FAF1: variants seen among roughly 807,000 people sequenced by gnomAD.
FAF1 encodes the protein FAS-associated factor 1.
FAF1 carries 25 observed loss-of-function variants against 92.5 expected under a neutral mutation model. That is an observed-to-expected ratio of 0.27 (90% CI 0.20 to 0.38). The LOEUF is 0.38. Ranked by LOEUF, FAF1 falls within the 10% of genes least tolerant of loss-of-function variation. The pLI is 1.00. For missense variants in FAF1, 636 were observed against 793.3 expected, an observed-to-expected ratio of 0.80 and a Z score of 2.38; for synonymous variants, 234 against 273.2, an observed-to-expected ratio of 0.86 and a Z score of 1.42.
rs538418727 is a variant in FAF1, at chr1:50,916,163, G to A, written c.45+43604C>T. ...AGACAAAAACAAACAAAAGGGGGTCGTAGGAGGAAGGGTAGAATGCAGGAC... is the reference window on the plus strand; with the variant it reads ...AGACAAAAACAAACAAAAGGGGGTCATAGGAGGAAGGGTAGAATGCAGGAC... On this transcript the variant is annotated intron_variant, in intron 1 of 18. Coordinates refer to ENST00000396153, the MANE Select transcript of FAF1 (RefSeq NM_007051.3). Among the ~76,000 whole-genome samples the A allele has an allele frequency of 7.2e-5, 11 of 152,290 alleles. No individual in the cohort carries two copies. In the South Asian group the frequency reaches 1.5e-3, roughly 20 times the overall value.
intron 2 of FAF1, among the ~76,000 whole-genome samples, chr1:50,827,422 T>G (rs1027594826): frequency 6.6e-6 from 1 of 152,164 alleles, no homozygotes; most frequent in African/African-American, 2.4e-5. Context: ...AACAGATGCT[T>G]GAAGGCAGCA....
Position 50,948,425 on chromosome 1 carries a change from G to C in FAF1, c.45+11342C>G, listed in dbSNP as rs534084919. 2.7e-4 allele frequency among the ~76,000 whole-genome samples: 41 copies of C among 152,302 alleles called. No individual in the cohort carries two copies. In the South Asian group the frequency reaches 7.9e-3, roughly 29 times the overall value. ...TACAATCATGGTGTAAGGCAAAGCG[G>C]GAGACAGCCTCTCACAGTCAACCCA... On this transcript the variant is annotated intron_variant, in intron 1 of 18. Coordinates refer to ENST00000396153, the MANE Select transcript of FAF1 (RefSeq NM_007051.3).
At chr1:50,522,920 C>T (rs534755510) in intron 15 of FAF1, among the ~76,000 whole-genome samples, 24 of 152,136 alleles carry the variant, frequency 1.6e-4, no homozygotes, top group African/African-American at 5.8e-4. Flanking sequence ...TCCCAATTTA[C>T]CCTACATCTT....
rs559546046 is a variant in FAF1 at position 50,643,704 on chromosome 1, T to G, written c.744+11738A>C. On this transcript the variant is annotated intron_variant, in intron 8 of 18. Coordinates refer to ENST00000396153, the MANE Select transcript of FAF1 (RefSeq NM_007051.3). ...GCCTCCCAGATTCAAGCAATTCTCC[T>G]GCCTCAGTGTCCTGAGTAGTTGGGA... Among the ~76,000 whole-genome samples the G allele has an allele frequency of 3.2e-4, 49 of 152,350 alleles. No homozygotes were observed. In the East Asian group the frequency reaches 8.9e-3, roughly 28 times the overall value.
rs1231326591 is a variant in FAF1, at chr1:50,485,094, T to TA, written c.1653+5493dup. Reference sequence around the variant, plus strand: ...TGTTGTGCACATGTACCCTAGAACTTAAAGTATAATAAAAAAAAGAAATTA... The same window carrying TA: ...TGTTGTGCACATGTACCCTAGAACTTAAAAGTATAATAAAAAAAAGAAATTA... On this transcript the variant is annotated intron_variant, in intron 17 of 18. Transcript: ENST00000396153. Among the ~76,000 whole-genome samples the TA allele has an allele frequency of 2.0e-5, 3 of 151,754 alleles. No homozygotes were observed. The East Asian group carries it at 5.8e-4, about 29-fold the overall frequency.
At chr1:50,478,202 C>T (rs1355292172) in intron 17 of FAF1, among the ~76,000 whole-genome samples, 3 of 147,702 alleles carry the variant, frequency 2.0e-5, no homozygotes, top group African/African-American at 7.5e-5. Flanking sequence ...TTCACTCTGT[C>T]GCCCAGGCTG....
At chr1:50,687,358 A>T (rs1656711931) in intron 7 of FAF1, among the ~76,000 whole-genome samples, 1 of 150,856 alleles carries the variant, frequency 6.6e-6, no homozygotes, top group Admixed American at 6.6e-5. Context: ...TATCAATCAA[A>T]AAAAAAAAAA....
chr1:50,678,172 T>A (rs1656223223), intron 7 of FAF1, among the ~76,000 whole-genome samples: 1 of 152,194 alleles, frequency 6.6e-6, no homozygotes, highest in South Asian at 2.1e-4. Context: ...AGAGTACAGT[T>A]GCCTGGTTAC....
chr1:50,925,906 T>A (rs1247340187), intron 1 of FAF1, among the ~76,000 whole-genome samples: 1 of 152,184 alleles, frequency 6.6e-6, no homozygotes, highest in Non-Finnish European at 1.5e-5. Context: ...TAGAATACTA[T>A]TCCTCCATGA....
chr1:50,524,531 G>A (rs536927702), intron 15 of FAF1, among the ~76,000 whole-genome samples: 7 of 152,172 alleles, frequency 4.6e-5, no homozygotes, highest in Non-Finnish European at 7.3e-5. Context: ...TTCCATTTAA[G>A]TCTTCAATCT....
chr1:50,581,022 G>A (rs141757343), intron 12 of FAF1, among the ~76,000 whole-genome samples: 649 of 152,246 alleles, frequency 4.3e-3, no homozygotes, highest in Middle Eastern at 0.017. Flanking sequence ...TGATCCACTC[G>A]CCGTGGCTTC....
chr1:50,922,613 G>GT (rs1286313750), intron 1 of FAF1, among the ~76,000 whole-genome samples: 5 of 151,722 alleles, frequency 3.3e-5, no homozygotes, highest in Middle Eastern at 3.2e-3. Context: ...GAGGTCAGGA[G>GT]TTTGAGACCA....
At chr1:50,837,255 CAT>C (rs1025512797) in intron 2 of FAF1, among the ~76,000 whole-genome samples, 7 of 152,002 alleles carry the variant, frequency 4.6e-5, no homozygotes, top group African/African-American at 1.2e-4. Flanking sequence ...CGTGCCCGGC[CAT>C]ATGTTATGTT....
intron 18 of FAF1, among the ~76,000 whole-genome samples, chr1:50,447,888 T>C (rs1316722964): frequency 6.6e-6 from 1 of 152,224 alleles, no homozygotes; most frequent in Admixed American, 6.5e-5. Flanking sequence ...CATTATCTAA[T>C]GTTATCAGGA....
chr1:50,919,777 A>C (rs780998778), intron 1 of FAF1, among the ~76,000 whole-genome samples: 1 of 152,176 alleles, frequency 6.6e-6, no homozygotes, highest in Non-Finnish European at 1.5e-5. Context: ...CCAGCCGAAG[A>C]ATATTCTTAT....
chr1:50,610,781 G>A (rs1041879830), intron 8 of FAF1, among the ~76,000 whole-genome samples: 4 of 151,896 alleles, frequency 2.6e-5, no homozygotes, highest in African/African-American at 9.7e-5. Flanking sequence ...TGTTACAGAG[G>A]GCCAGTATGG....
chr1:50,803,297 C>A (rs1662069097), intron 2 of FAF1, among the ~76,000 whole-genome samples: 1 of 152,068 alleles, frequency 6.6e-6, no homozygotes, highest in Admixed American at 6.5e-5. Context: ...TGGTTCAAAT[C>A]TTTCAAAAAA....
In FAF1 at chr1:50,461,029, G is replaced by T. The variant is rs1227794994; in HGVS notation, c.1869+14435C>A. ...TGTACCGAGTGGTTGATGAAAATGT[G>T]ACGAGAGGCTCACAAGAACTTAACC... is the stretch of plus-strand genomic sequence containing the variant. On this transcript the variant is annotated intron_variant, in intron 18 of 18. Transcript: ENST00000396153. Among the ~76,000 whole-genome samples, 7 of 152,136 alleles carry T rather than the reference G, an allele frequency of 4.6e-5. No individual in the cohort carries two copies. In the East Asian group the frequency reaches 1.2e-3, roughly 25 times the overall value.
At chr1:50,875,187 C>T (rs1348067435) in intron 1 of FAF1, among the ~76,000 whole-genome samples, 2 of 151,486 alleles carry the variant, frequency 1.3e-5, no homozygotes, top group African/African-American at 4.9e-5. Flanking sequence ...TCCAGCTGTC[C>T]CTATACTCAT....
Sources: gnomAD v4.1 joint callset for allele counts (sites outside exome capture counted in the v4.1 genomes callset) on GRCh38, gnomAD v4.1.1 for gene constraint, MANE v1.5 for transcripts, NCBI Gene and HGNC (gene_info 2026-07-23, HGNC 2026-07-21) for gene names.